GPATCH2: variants seen among roughly 807,000 people sequenced by gnomAD.
The protein encoded by GPATCH2 is G patch domain-containing protein 2.
Under a neutral mutation model 58.0 loss-of-function variants are expected in GPATCH2, and 51 were observed. The ratio of observed to expected loss-of-function variants is 0.88; its 90% CI spans 0.70 to 1.11. The LOEUF is 1.11. Ranked by LOEUF, GPATCH2 falls within the 50% of genes most tolerant of loss-of-function variation. The pLI is 0.00. For synonymous variants in GPATCH2, 222 were observed against 218.5 expected (o/e 1.02, Z -0.14); for missense variants, 625 against 652.2 (o/e 0.96, Z 0.45).
chr1:217,451,463 T>C (rs1473549830), intron 8 of GPATCH2, among the ~76,000 whole-genome samples: 1 of 152,206 alleles, frequency 6.6e-6, no homozygotes. Flanking sequence ...ATTTCAATAC[T>C]CCTTTACTCC....
chr1:217,606,470 T>A (rs1049473898), intron 5 of GPATCH2, among the ~76,000 whole-genome samples: 1 of 152,094 alleles, frequency 6.6e-6, no homozygotes, highest in African/African-American at 2.4e-5. Context: ...ATATAAAATA[T>A]GAACAAGCCA....
chr1:217,508,308 G>C (rs1662661519), intron 6 of GPATCH2, among the ~76,000 whole-genome samples: 1 of 152,034 alleles, frequency 6.6e-6, no homozygotes, highest in Admixed American at 6.6e-5. Flanking sequence ...GGCAAATCTT[G>C]CTTTAAGCAA....
At chr1:217,606,626 T>A in intron 5 of GPATCH2, among the ~76,000 whole-genome samples, 1 of 151,884 alleles carries the variant, frequency 6.6e-6, no homozygotes, top group Non-Finnish European at 1.5e-5. Flanking sequence ...CTGTAGACCC[T>A]GCTACTCAGG....
chr1:217,439,842 A>T (rs1391102785), intron 9 of GPATCH2, among the ~76,000 whole-genome samples: 3 of 152,242 alleles, frequency 2.0e-5, no homozygotes, highest in Non-Finnish European at 2.9e-5. Context: ...GAATAGACTA[A>T]TAACAAGTTC....
intron 7 of GPATCH2, among the ~76,000 whole-genome samples, chr1:217,495,710 C>T (rs962765357): frequency 3.9e-5 from 6 of 152,174 alleles, no homozygotes; most frequent in African/African-American, 1.2e-4. Context: ...AGTATAATTA[C>T]TGCTTACCTG....
At chr1:217,449,710 C>T (rs550483342) in intron 8 of GPATCH2, among the ~76,000 whole-genome samples, 1 of 152,260 alleles carries the variant, frequency 6.6e-6, no homozygotes, top group African/African-American at 2.4e-5. Flanking sequence ...TAATGCTTTA[C>T]TGTCAGAACA....
intron 5 of GPATCH2, among the ~76,000 whole-genome samples, chr1:217,539,188 C>T (rs1314429123): frequency 6.6e-6 from 1 of 151,766 alleles, no homozygotes; most frequent in Non-Finnish European, 1.5e-5. Flanking sequence ...AGTATGAGCT[C>T]GATTCTAATA....
chr1:217,549,514 T>G (rs1337390925), intron 5 of GPATCH2, among the ~76,000 whole-genome samples: 1 of 151,320 alleles, frequency 6.6e-6, no homozygotes, highest in African/African-American at 2.4e-5. Context: ...TCTTCTTACC[T>G]CTCCATCTTT....
At chr1:217,575,791 C>G (rs1666776540) in intron 5 of GPATCH2, among the ~76,000 whole-genome samples, 1 of 152,122 alleles carries the variant, frequency 6.6e-6, no homozygotes, top group African/African-American at 2.4e-5. Context: ...AATGCCTTCA[C>G]TTTAAGTCCC....
intron 6 of GPATCH2, among the ~76,000 whole-genome samples, chr1:217,512,038 A>G (rs1236342541): frequency 6.6e-6 from 1 of 152,164 alleles, no homozygotes; most frequent in Non-Finnish European, 1.5e-5. Context: ...ATAAAACATT[A>G]TCAAGGCCAA....
intron 6 of GPATCH2, among the ~76,000 whole-genome samples, chr1:217,510,963 TG>T (rs1374569990): frequency 6.6e-6 from 1 of 152,016 alleles, no homozygotes; most frequent in African/African-American, 2.4e-5. Context: ...CTGGGCGTGG[TG>T]GCGCACGCCT....
intron 5 of GPATCH2, chr1:217,609,809 T>C (rs1668539874): frequency 1.0e-6 from 1 of 985,110 alleles, no homozygotes; most frequent in Non-Finnish European, 1.2e-6. Context: ...GGAATACTTG[T>C]CGATCTGGAA....
chr1:217,584,350 T>TATATATATATATAC (rs1667234313), intron 5 of GPATCH2, among the ~76,000 whole-genome samples: 1 of 56,432 alleles, frequency 1.8e-5, no homozygotes, highest in East Asian at 1.9e-3. Flanking sequence ...AAAAAATATA[T>TATATATATATATAC]ATATATATAT....
rs2102515856 is a variant in GPATCH2 at position 217,430,107 on chromosome 1, T to G, written c.*1038A>C. On this transcript the variant is annotated 3_prime_UTR_variant, in exon 10 of 10. Coordinates refer to ENST00000366935, the MANE Select transcript of GPATCH2 (RefSeq NM_018040.5). ...CTAGGCACGTAATACAAACGACCTC[T>G]TTTGCTAGGTTTTAAAGTAACATCT... 1 of 152,296 alleles carries G rather than the reference T, an allele frequency of 6.6e-6. No individual in the cohort carries two copies. Among genetic ancestry groups the G allele is most frequent in the South Asian group, 2.1e-4 (1 of 4,826 alleles). The allele number at this position is 152,296 out of a possible 1,614,324, so 9.4% of individuals were successfully genotyped here.
At chr1:217,489,471 G>A (rs1286426386) in intron 8 of GPATCH2, among the ~76,000 whole-genome samples, 2 of 152,124 alleles carry the variant, frequency 1.3e-5, no homozygotes, top group African/African-American at 2.4e-5. Context: ...CGCCAACCCT[G>A]CAAACTTAAC....
intron 5 of GPATCH2, among the ~76,000 whole-genome samples, chr1:217,595,963 A>AT (rs1667806687): frequency 1.3e-5 from 2 of 152,152 alleles, no homozygotes; most frequent in African/African-American, 4.8e-5. Context: ...AGGTAACAGA[A>AT]TAATTTACTT....
intron 5 of GPATCH2, among the ~76,000 whole-genome samples, chr1:217,607,288 G>A (rs769014689): frequency 2.9e-4 from 44 of 152,282 alleles, no homozygotes; most frequent in Middle Eastern, 3.4e-3. Flanking sequence ...GGTCAGTCAG[G>A]TGACTTTCTT....
At position 217,427,588 on chromosome 1, in the gene GPATCH2, C is replaced by T. The variant is rs776631842; in HGVS notation, c.*3557G>A. ...TTTGTTGTACTATTAACATGACTTT[C>T]TACCAAAAGAAAAAATAAAAAAAAA... On this transcript the variant is annotated 3_prime_UTR_variant, in exon 10 of 10. Coordinates refer to ENST00000366935, the MANE Select transcript of GPATCH2 (RefSeq NM_018040.5). 3 of 145,824 alleles carry T rather than the reference C, an allele frequency of 2.1e-5. No homozygotes were observed. Among genetic ancestry groups the T allele is most frequent in the Non-Finnish European group, 4.6e-5 (3 of 65,752 alleles). The allele number at this position is 145,824 out of a possible 1,614,324, so 9.0% of individuals were successfully genotyped here. A position where few individuals can be genotyped will look rare whatever the true frequency, so the allele number is the denominator to read the frequency against.
intron 5 of GPATCH2, among the ~76,000 whole-genome samples, chr1:217,605,575 C>A (rs1029716996): frequency 6.6e-6 from 1 of 152,162 alleles, no homozygotes. Flanking sequence ...CCTTCAACAA[C>A]TGTGTTTTAA....
Sources: gnomAD v4.1 joint callset for allele counts (sites outside exome capture counted in the v4.1 genomes callset) on GRCh38, gnomAD v4.1.1 for gene constraint, MANE v1.5 for transcripts, NCBI Gene and HGNC (gene_info 2026-07-23, HGNC 2026-07-21) for gene names.